AHCYL1: variants seen among roughly 807,000 people sequenced by gnomAD.
AHCYL1 encodes S-adenosylhomocysteine hydrolase-like protein 1.
In AHCYL1, 20 loss-of-function variants were observed where a neutral mutation model predicts 79.3. The ratio of observed to expected loss-of-function variants is 0.25; its 90% CI spans 0.18 to 0.37. The LOEUF (loss-of-function observed/expected upper bound fraction) is 0.37. Among genes scored for constraint, AHCYL1 ranks in the 10% least tolerant of loss-of-function variants. The probability of loss-of-function intolerance (pLI) is 1.00; values close to 1 mark genes in which losing one functional copy is unlikely to be tolerated. For missense variants in AHCYL1, 330 were observed against 673.6 expected (o/e 0.49, Z 5.65); for synonymous variants, 223 against 242.2 (o/e 0.92, Z 0.74).
chr1:110,001,562 G>A (rs1334993296), intron 1 of AHCYL1, among the ~76,000 whole-genome samples: 5 of 151,996 alleles, frequency 3.3e-5, no homozygotes, highest in South Asian at 2.1e-4. Context: ...TGATTCCCAA[G>A]TGAAAAAAAC....
chr1:109,985,502 A>T, intron 1 of AHCYL1: 7 of 1,050,520 alleles, frequency 6.7e-6, no homozygotes, highest in Non-Finnish European at 6.9e-6. Flanking sequence ...GACCCTTGTG[A>T]CCAGTCCGGG....
chr1:109,992,075 T>TG lies in AHCYL1; in HGVS notation c.120+6908dup, dbSNP rs950020931. Among the ~76,000 whole-genome samples, 325 of 147,794 alleles carry TG rather than the reference T, an allele frequency of 2.2e-3. 3 individuals carry two copies. Among genetic ancestry groups the TG allele is most frequent in the African/African-American group, 8.0e-3 (305 of 38,236 alleles). On this transcript the variant is annotated intron_variant, in intron 1 of 16. Coordinates refer to ENST00000369799, the MANE Select transcript of AHCYL1 (RefSeq NM_006621.7). ...TGTTTCCTTTGTGGTTCCAGAAATC[T>TG]GGGGGCGGGGGGAAGAAAAGAGAGA...
At chr1:110,015,290 G>A in intron 6 of AHCYL1, 135 bp from the exon 7 acceptor site, 1 of 724,806 alleles carries the variant, frequency 1.4e-6, no homozygotes, top group East Asian at 2.5e-5. Flanking sequence ...CACTCTCTAA[G>A]CCTGCTCTAG....
intron 1 of AHCYL1, among the ~76,000 whole-genome samples, chr1:110,008,809 C>G (rs1485489247): frequency 6.6e-6 from 1 of 152,134 alleles, no homozygotes; most frequent in Non-Finnish European, 1.5e-5. Context: ...CTTAGCCCCT[C>G]CTCCCAAATC....
In AHCYL1 at chr1:110,009,069, C is replaced by G. The variant is rs962065940; in HGVS notation, c.156C>G (p.Thr52=). Residue 52 remains threonine, a synonymous_variant, in exon 2 of 17, where the codon ACC becomes ACG. Transcript: ENST00000369799. The part of the protein sequence containing the change: ...IQFADDMQEF[T]KFPTKTGRRS... ...TTGCTGATGACATGCAGGAGTTCAC[C>G]AAATTCCCCACCAAAACTGGCCGAA... 43 of 1,613,776 alleles carry G rather than the reference C, an allele frequency of 2.7e-5. No individual in the cohort carries two copies. Among genetic ancestry groups the G allele is most frequent in the Non-Finnish European group, 3.5e-5 (41 of 1,179,880 alleles).
chr1:110,005,150 A>C lies in AHCYL1; in HGVS notation c.121-3884A>C, dbSNP rs558104658. Among the ~76,000 whole-genome samples the C allele has an allele frequency of 2.0e-5, 3 of 152,342 alleles. No homozygotes were observed. The East Asian group carries it at 5.8e-4, about 29-fold the overall frequency. ...CCAAAAGAGGGATCCTAGCCCTTCA[A>C]ATAATTCTCTGCAGTAAGAAAGACT... On this transcript the variant is annotated intron_variant, in intron 1 of 16. Coordinates refer to ENST00000369799, the MANE Select transcript of AHCYL1 (RefSeq NM_006621.7).
chr1:110,016,310 TTTTG>T (rs1557774387), intron 7 of AHCYL1, 30 bp from the exon 8 acceptor site: 6 of 1,539,536 alleles, frequency 3.9e-6, no homozygotes, highest in Admixed American at 1.9e-5. Flanking sequence ...CTAACTTGGT[TTTTG>T]TTTGTTTTTG....
At chr1:109,997,907 C>T (rs557086105) in intron 1 of AHCYL1, among the ~76,000 whole-genome samples, 1 of 152,318 alleles carries the variant, frequency 6.6e-6, no homozygotes, top group East Asian at 1.9e-4. Flanking sequence ...TGGAAGATAG[C>T]TGAATAAGGG....
intron 6 of AHCYL1, 129 bp from the exon 7 acceptor site, chr1:110,015,296 T>C (rs1184103475): frequency 2.0e-5 from 15 of 744,838 alleles, no homozygotes; most frequent in Non-Finnish European, 3.5e-5. Context: ...CTAAGCCTGC[T>C]CTAGGGAGCT....
At chr1:109,989,482 G>A (rs1649644632) in intron 1 of AHCYL1, among the ~76,000 whole-genome samples, 3 of 152,144 alleles carry the variant, frequency 2.0e-5, no homozygotes, top group Admixed American at 2.0e-4. Flanking sequence ...GCCTCCCGAA[G>A]TGCTGGGATT....
At chr1:109,996,163 T>C (rs1479475791) in intron 1 of AHCYL1, among the ~76,000 whole-genome samples, 1 of 152,120 alleles carries the variant, frequency 6.6e-6, no homozygotes, top group Non-Finnish European at 1.5e-5. Flanking sequence ...TGAGCCGAGA[T>C]GGCATGACTA....
At chr1:110,010,883 C>T (rs1240318798) in intron 2 of AHCYL1, among the ~76,000 whole-genome samples, 1 of 152,156 alleles carries the variant, frequency 6.6e-6, no homozygotes, top group East Asian at 1.9e-4. Context: ...CTGTTTTTGC[C>T]AGGTCTGGTT....
chr1:110,016,864 T>C, intron 9 of AHCYL1, 134 bp downstream of exon 9: 2 of 913,546 alleles, frequency 2.2e-6, no homozygotes, highest in South Asian at 1.7e-5. Flanking sequence ...TCTCAAACAA[T>C]AGCAAAAGCC....
chr1:109,999,655 T>C (rs760658494), intron 1 of AHCYL1, among the ~76,000 whole-genome samples: 12 of 152,188 alleles, frequency 7.9e-5, no homozygotes, highest in Non-Finnish European at 1.0e-4. Context: ...TTGTTAGTTG[T>C]AGTAGTCAGA....
At chr1:110,003,769 T>G (rs1650466123) in intron 1 of AHCYL1, among the ~76,000 whole-genome samples, 1 of 152,222 alleles carries the variant, frequency 6.6e-6, no homozygotes, top group Non-Finnish European at 1.5e-5. Flanking sequence ...AGTCTGGGTG[T>G]GTGTTACATT....
At chr1:110,020,213 T>A (rs1425641609) in intron 15 of AHCYL1, among the ~76,000 whole-genome samples, 1 of 152,174 alleles carries the variant, frequency 6.6e-6, no homozygotes, top group Non-Finnish European at 1.5e-5. Context: ...CAGTGTATAA[T>A]TATAAAAGGG....
In AHCYL1 at chr1:109,985,014, G is replaced by A; in HGVS notation, c.-39G>A. ...GCGGGCGCCAGAGGGGGAAAGAGGC[G>A]GGGGCGGCGGGTCAGCCGCTGGCCG... On this transcript the variant is annotated 5_prime_UTR_variant, in exon 1 of 17. Coordinates refer to ENST00000369799, the MANE Select transcript of AHCYL1 (RefSeq NM_006621.7). 1 of 1,489,790 alleles carries A rather than the reference G, an allele frequency of 6.7e-7. No individual in the cohort carries two copies. Among genetic ancestry groups the A allele is most frequent in the Non-Finnish European group, 8.9e-7 (1 of 1,118,064 alleles). 92.3% of individuals were successfully genotyped at this position (1,489,790 alleles called of 1,614,324 possible).
intron 1 of AHCYL1, among the ~76,000 whole-genome samples, chr1:109,993,368 A>C (rs574723389): frequency 6.6e-6 from 1 of 152,320 alleles, no homozygotes; most frequent in South Asian, 2.1e-4. Flanking sequence ...TCATCATTTG[A>C]CTTTTCTAGA....
chr1:110,002,932 A>G (rs1293626108), intron 1 of AHCYL1, among the ~76,000 whole-genome samples: 1 of 152,208 alleles, frequency 6.6e-6, no homozygotes, highest in Admixed American at 6.5e-5. Flanking sequence ...AATTCAAAAC[A>G]TGAGTGATTT....
Sources: gnomAD v4.1 joint callset for allele counts (sites outside exome capture counted in the v4.1 genomes callset) on GRCh38, gnomAD v4.1.1 for gene constraint, MANE v1.5 for transcripts, NCBI Gene and HGNC (gene_info 2026-07-23, HGNC 2026-07-21) for gene names.